PCDHA12: variants seen among roughly 807,000 people sequenced by gnomAD.
PCDHA12 encodes protocadherin alpha 12.
PCDHA12 carries 44 observed loss-of-function variants against 60.0 expected under a neutral mutation model. The observed-to-expected ratio is 0.73, with a 90% CI of 0.58 to 0.94. The LOEUF (loss-of-function observed/expected upper bound fraction) is 0.94, where lower values mean the gene tolerates loss of function less well. PCDHA12 is among the 40% of genes least tolerant of loss of function. PCDHA12 has a pLI of 0.00. For missense variants in PCDHA12, 1,276 were observed against 1,239.7 expected (o/e 1.03, Z -0.44); for synonymous variants, 569 against 553.0 (o/e 1.03, Z -0.40).
intron 1 of PCDHA12, among the ~76,000 whole-genome samples, chr5:140,977,388 T>C (rs1187960215): frequency 6.6e-6 from 1 of 152,248 alleles, no homozygotes; most frequent in East Asian, 1.9e-4. Flanking sequence ...TCCAGGTTTA[T>C]AAAATGATTT....
chr5:140,981,690 A>C (rs1410954672), intron 2 of PCDHA12, among the ~76,000 whole-genome samples: 1 of 150,712 alleles, frequency 6.6e-6, no homozygotes, highest in Non-Finnish European at 1.5e-5. Flanking sequence ...CCCTTCCATC[A>C]TTCATTCATT....
intron 3 of PCDHA12, among the ~76,000 whole-genome samples, chr5:140,997,807 G>A (rs557351308): frequency 4.5e-4 from 68 of 152,118 alleles, no homozygotes; most frequent in African/African-American, 1.5e-3. Context: ...CCAATTTGCT[G>A]TTGGTATCTA....
chr5:140,884,804 T>A (rs1223470171), intron 1 of PCDHA12: 1 of 1,210,196 alleles, frequency 8.3e-7, no homozygotes, highest in Non-Finnish European at 1.1e-6. Flanking sequence ...ATTTAACAAC[T>A]CTGCTGTGGA....
At chr5:140,958,503 C>T (rs1426161443) in intron 1 of PCDHA12, among the ~76,000 whole-genome samples, 1 of 152,118 alleles carries the variant, frequency 6.6e-6, no homozygotes, top group Non-Finnish European at 1.5e-5. Context: ...TCCTAGGAGG[C>T]ATGGCTGTCC....
chr5:140,908,999 T>C (rs1221174156), intron 1 of PCDHA12, among the ~76,000 whole-genome samples: 1 of 152,190 alleles, frequency 6.6e-6, no homozygotes, highest in Non-Finnish European at 1.5e-5. Context: ...GAAATTTTAC[T>C]GAGGTAGAAG....
chr5:140,876,181 G>T lies in PCDHA12; in HGVS notation c.709G>T (p.Asp237Tyr). ...TCAAATAACCGTCCTGGATGTGAAT[G>T]ACAATGGTCCGGCGTTTGATAAGCC... is the stretch of plus-strand genomic sequence containing the variant. Reference protein sequence around the residue: ...QIQITVLDVNDNGPAFDKPSY... With the variant: ...QIQITVLDVNYNGPAFDKPSY... The change falls in exon 1 of 4, where the codon GAC becomes TAC. Residue 237 changes from aspartate to tyrosine, a missense_variant. Transcript: ENST00000398631. 6.2e-7 allele frequency: 1 copy of T among 1,613,982 alleles called. No homozygotes were observed. Among genetic ancestry groups the T allele is most frequent in the South Asian group, 1.1e-5 (1 of 91,080 alleles).
intron 1 of PCDHA12, chr5:140,878,248 C>A (rs1449904760): frequency 6.5e-6 from 1 of 154,860 alleles, no homozygotes; most frequent in African/African-American, 2.4e-5. Flanking sequence ...TTAACTCTTC[C>A]TCACGTGCTT....
intron 1 of PCDHA12, among the ~76,000 whole-genome samples, chr5:140,937,039 CTTT>C (rs34994034): frequency 1.4e-5 from 2 of 140,152 alleles, no homozygotes; most frequent in African/African-American, 5.3e-5. Flanking sequence ...TTCCATTTAT[CTTT>C]TTTTTTTTTT....
intron 1 of PCDHA12, among the ~76,000 whole-genome samples, chr5:140,959,151 C>CAG (rs782425604): frequency 2.0e-4 from 30 of 152,084 alleles, no homozygotes; most frequent in African/African-American, 7.0e-4. Context: ...CCAAAGTGGG[C>CAG]AGATTGCTTG....
intron 1 of PCDHA12, among the ~76,000 whole-genome samples, chr5:140,960,614 G>A (rs1167351854): frequency 3.3e-5 from 5 of 152,130 alleles, no homozygotes; most frequent in African/African-American, 1.2e-4. Context: ...AATATCTAGT[G>A]TGTTTTTGAA....
At chr5:140,915,626 G>GTC (rs57920489) in intron 1 of PCDHA12, among the ~76,000 whole-genome samples, 4,335 of 146,228 alleles carry the variant, frequency 0.03, 91 homozygotes, top group African/African-American at 0.067. Flanking sequence ...GTCTCTTTCT[G>GTC]TCTCTCTCTC....
intron 1 of PCDHA12, among the ~76,000 whole-genome samples, chr5:140,885,230 T>G (rs2060523657): frequency 6.6e-6 from 1 of 152,166 alleles, no homozygotes; most frequent in Non-Finnish European, 1.5e-5. Flanking sequence ...GTGATTCTGC[T>G]TTCAATTTTT....
intron 1 of PCDHA12, chr5:140,882,846 C>T (rs1554175786): frequency 2.5e-6 from 4 of 1,614,188 alleles, no homozygotes; most frequent in Non-Finnish European, 3.4e-6. Context: ...TCTTCATTAT[C>T]ACTTGTACTG....
At chr5:140,882,150 C>A in intron 1 of PCDHA12, 1 of 1,501,768 alleles carries the variant, frequency 6.7e-7, no homozygotes, top group Non-Finnish European at 8.9e-7. Context: ...TAGCAGAAAG[C>A]GGAATACCTC....
At chr5:140,983,931 G>A (rs1398681067) in intron 3 of PCDHA12, among the ~76,000 whole-genome samples, 1 of 152,190 alleles carries the variant, frequency 6.6e-6, no homozygotes, top group Non-Finnish European at 1.5e-5. Context: ...GCTATTTATG[G>A]ATGTTGCACA....
At position 141,010,104 on chromosome 5, in the gene PCDHA12, T is replaced by G; in HGVS notation, c.*167T>G. ...TGTCTAGAACGCATTTAACAGGTTTTGTCGTAAAAGCTTTACTAAGTCTGG... is the reference window on the plus strand; with the variant it reads ...TGTCTAGAACGCATTTAACAGGTTTGGTCGTAAAAGCTTTACTAAGTCTGG... On this transcript the variant is annotated 3_prime_UTR_variant, in exon 4 of 4. Coordinates refer to ENST00000398631, the MANE Select transcript of PCDHA12 (RefSeq NM_018903.4). 1 of 1,612,408 alleles carries G rather than the reference T, an allele frequency of 6.2e-7. No individual in the cohort carries two copies. Among genetic ancestry groups the G allele is most frequent in the Non-Finnish European group, 8.5e-7 (1 of 1,179,092 alleles).
In PCDHA12 at chr5:140,950,226, T is replaced by A. The variant is rs1478539445; in HGVS notation, c.2368-28723T>A. ...TGTTTACCTAGTCATTTACCATTTC[T>A]AGTGCCATTAATTTGTTCCTAAAGA... On this transcript the variant is annotated intron_variant, in intron 1 of 3. Coordinates refer to ENST00000398631, the MANE Select transcript of PCDHA12 (RefSeq NM_018903.4). 5.9e-5 allele frequency among the ~76,000 whole-genome samples: 9 copies of A among 152,018 alleles called. No homozygotes were observed. The East Asian group carries it at 1.7e-3, about 29-fold the overall frequency.
At chr5:140,953,810 C>T (rs918101590) in intron 1 of PCDHA12, among the ~76,000 whole-genome samples, 5 of 152,190 alleles carry the variant, frequency 3.3e-5, no homozygotes, top group South Asian at 2.1e-4. Context: ...TTCTGAGGTG[C>T]ATGTGCTAGT....
In PCDHA12 at chr5:140,884,802, ACTCTGC is replaced by A. The variant is rs2060361534; in HGVS notation, c.2367+6964_2367+6969del. The A allele has an allele frequency of 4.1e-6, 5 of 1,232,140 alleles. No individual in the cohort carries two copies. The South Asian group carries it at 9.1e-5, about 22-fold the overall frequency. The allele number at this position is 1,232,140 out of a possible 1,614,324, so 76.3% of individuals were successfully genotyped here. A position where few individuals can be genotyped will look rare whatever the true frequency, so the allele number is the denominator to read the frequency against. ...TTGCTAGTTGTTATCGAATTTAACA[ACTCTGC>A]TGTGGACATTATGTGTTGGATTATC... is the stretch of plus-strand genomic sequence containing the variant. On this transcript the variant is annotated intron_variant, in intron 1 of 3. Transcript: ENST00000398631.
Sources: allele counts gnomAD v4.1 joint callset (sites outside exome capture counted in the v4.1 genomes callset), GRCh38; gene constraint gnomAD v4.1.1; transcripts MANE v1.5; gene names NCBI Gene and HGNC (gene_info 2026-07-23, HGNC 2026-07-21).